ATF2: variants seen among roughly 807,000 people sequenced by gnomAD.
The protein encoded by ATF2 is cyclic AMP-dependent transcription factor ATF-2.
Under a neutral mutation model 60.6 loss-of-function variants are expected in ATF2, and 24 were observed. The ratio of observed to expected loss-of-function variants is 0.40; its 90% confidence interval spans 0.29 to 0.56. The LOEUF is 0.56. Among genes scored for constraint, ATF2 ranks in the 20% least tolerant of loss-of-function variants. The pLI is 0.54. For missense variants in ATF2, 433 were observed against 607.7 expected (o/e 0.71, Z 3.02); for synonymous variants, 206 against 215.4 (o/e 0.96, Z 0.38).
intron 13 of ATF2, 128 bp from the exon 14 acceptor site, chr2:175,074,963 C>G: frequency 6.6e-7 from 1 of 1,524,836 alleles, no homozygotes. Context: ...GTTGGTATTA[C>G]AGCAATTGAT....
At chr2:175,097,667 T>C (rs759727987) in intron 10 of ATF2, 74 bp from the exon 11 acceptor site, 35 of 1,520,300 alleles carry the variant, frequency 2.3e-5, no homozygotes, top group Non-Finnish European at 2.8e-5. Context: ...AGACAAACAA[T>C]AGCACCTTGG....
intron 12 of ATF2, among the ~76,000 whole-genome samples, chr2:175,082,841 T>G (rs1693857401): frequency 6.6e-6 from 1 of 152,218 alleles, no homozygotes; most frequent in African/African-American, 2.4e-5. Context: ...TTGCTAAATA[T>G]TTTATTTAAG....
Position 175,091,251 on chromosome 2 carries a change from A to C in ATF2, c.1185+1810T>G, listed in dbSNP as rs1003318581. The stretch of plus-strand genomic sequence containing the variant: ...AATTGACTGATTTATGTAACAATAC[A>C]GAGAAGTGGTATTACCACATCTATT... On this transcript the variant is annotated intron_variant, in intron 12 of 13. Transcript: ENST00000264110. Among the ~76,000 whole-genome samples the C allele has an allele frequency of 3.9e-5, 6 of 152,226 alleles. No homozygotes were observed. The South Asian group carries it at 1.2e-3, about 31-fold the overall frequency.
intron 3 of ATF2, among the ~76,000 whole-genome samples, chr2:175,131,558 G>A (rs962567738): frequency 6.6e-6 from 1 of 152,154 alleles, no homozygotes. Context: ...AGCATTATAA[G>A]CTATTTTATA....
At chr2:175,092,976 T>C (rs968305795) in intron 12 of ATF2, 85 bp downstream of exon 12, 8 of 1,423,670 alleles carry the variant, frequency 5.6e-6, no homozygotes, top group South Asian at 5.2e-5. Context: ...CCTAAAATGT[T>C]TGGAGGCCCA....
chr2:175,163,230 G>A (rs1244682589), intron 1 of ATF2, among the ~76,000 whole-genome samples: 1 of 151,772 alleles, frequency 6.6e-6, no homozygotes, highest in East Asian at 1.9e-4. Flanking sequence ...AAAAACCAAA[G>A]CTATAACATT....
At chr2:175,102,532 G>A (rs1249118340) in intron 10 of ATF2, among the ~76,000 whole-genome samples, 1 of 152,144 alleles carries the variant, frequency 6.6e-6, no homozygotes, top group Admixed American at 6.5e-5. Flanking sequence ...AGCACTTTGG[G>A]AGGCCAAGGC....
intron 3 of ATF2, among the ~76,000 whole-genome samples, chr2:175,135,280 CTTAAA>C (rs1698059869): frequency 2.0e-5 from 3 of 152,036 alleles, no homozygotes; most frequent in African/African-American, 4.8e-5. Context: ...ACAGATTAGT[CTTAAA>C]TTAACACCAA....
chr2:175,163,806 C>T (rs919939981), intron 1 of ATF2, among the ~76,000 whole-genome samples: 2 of 148,636 alleles, frequency 1.3e-5, no homozygotes, highest in Admixed American at 6.8e-5. Flanking sequence ...ACCTGTAATC[C>T]CAGCTACTCA....
chr2:175,165,965 G>A (rs1303408956), intron 1 of ATF2, among the ~76,000 whole-genome samples: 1 of 152,090 alleles, frequency 6.6e-6, no homozygotes, highest in African/African-American at 2.4e-5. Context: ...CGCACGCCCA[G>A]CCTCTACTAT....
At chr2:175,135,985 A>T (rs1171358766) in intron 3 of ATF2, among the ~76,000 whole-genome samples, 1 of 151,570 alleles carries the variant, frequency 6.6e-6, no homozygotes, top group East Asian at 1.9e-4. Flanking sequence ...AATCCGGGAA[A>T]TGCTAAAATA....
intron 4 of ATF2, among the ~76,000 whole-genome samples, chr2:175,126,132 T>C (rs1247092735): frequency 6.6e-6 from 1 of 152,214 alleles, no homozygotes; most frequent in African/African-American, 2.4e-5. Flanking sequence ...AGTCTCTAAA[T>C]TCAATAGTAA....
At chr2:175,149,417 T>C (rs989840092) in intron 2 of ATF2, among the ~76,000 whole-genome samples, 6 of 152,192 alleles carry the variant, frequency 3.9e-5, no homozygotes, top group African/African-American at 1.4e-4. Context: ...TAGTAAGAAA[T>C]TGAAACATTT....
intron 1 of ATF2, among the ~76,000 whole-genome samples, chr2:175,153,684 G>A (rs1699462236): frequency 6.6e-6 from 1 of 151,870 alleles, no homozygotes; most frequent in African/African-American, 2.4e-5. Flanking sequence ...CAAAAAATTA[G>A]CCGGGCATGG....
At chr2:175,127,062 T>C (rs1431199318) in intron 4 of ATF2, 1 of 151,130 alleles carries the variant, frequency 6.6e-6, no homozygotes, top group East Asian at 2.0e-4. Context: ...AGAGATCCTG[T>C]ATCCAAAAAA....
At chr2:175,074,924 G>T in intron 13 of ATF2, 89 bp from the exon 14 acceptor site, 1 of 1,555,786 alleles carries the variant, frequency 6.4e-7, no homozygotes. Flanking sequence ...TAAAAAGTTA[G>T]AAAGTATCTT....
intron 12 of ATF2, among the ~76,000 whole-genome samples, chr2:175,082,192 A>G (rs185179417): frequency 1.2e-3 from 178 of 152,346 alleles, no homozygotes; most frequent in African/African-American, 3.8e-3. Flanking sequence ...TCACACCCCA[A>G]TAACAATGAA....
chr2:175,142,512 G>A lies in ATF2; in HGVS notation c.-43-6026C>T, dbSNP rs75005962. Among the ~76,000 whole-genome samples, 309 of 152,186 alleles carry A rather than the reference G, an allele frequency of 2.0e-3. 3 individuals carry two copies. Among genetic ancestry groups the A allele is most frequent in the African/African-American group, 6.7e-3 (277 of 41,528 alleles). On this transcript the variant is annotated intron_variant, in intron 2 of 13. Transcript: ENST00000264110. Reference sequence around the variant, plus strand: ...TAGTTCCACATACAAACATGTATATGTTCCTCGTATTTCCTCTATTTTATT... The same window carrying A: ...TAGTTCCACATACAAACATGTATATATTCCTCGTATTTCCTCTATTTTATT...
intron 5 of ATF2, among the ~76,000 whole-genome samples, chr2:175,119,815 T>A (rs1028826155): frequency 1.3e-5 from 2 of 151,662 alleles, no homozygotes; most frequent in African/African-American, 4.8e-5. Flanking sequence ...GCTCTTAACT[T>A]ACATTAAAGG....
Sources: allele counts gnomAD v4.1 joint callset (sites outside exome capture counted in the v4.1 genomes callset), GRCh38; gene constraint gnomAD v4.1.1; transcripts MANE v1.5; gene names NCBI Gene and HGNC (gene_info 2026-07-23, HGNC 2026-07-21).